Variants in DOCK3 observed in about 807,000 individuals in gnomAD.
DOCK3 encodes the protein dedicator of cytokinesis 3.
DOCK3 carries 60 observed loss-of-function variants against 265.6 expected under a neutral mutation model. The ratio of observed to expected loss-of-function variants is 0.23; its 90% CI spans 0.18 to 0.28. The LOEUF is 0.28. Among genes scored for constraint, DOCK3 ranks in the 10% least tolerant of loss-of-function variants. The probability of loss-of-function intolerance (pLI) is 1.00; values close to 1 mark genes in which losing one functional copy is unlikely to be tolerated. For synonymous variants in DOCK3, 881 were observed against 938.0 expected (o/e 0.94, Z 1.11); for missense variants, 1,981 against 2,594.3 (o/e 0.76, Z 5.14).
At chr3:50,945,732 C>T (rs935853344) in intron 5 of DOCK3, among the ~76,000 whole-genome samples, 17 of 152,214 alleles carry the variant, frequency 1.1e-4, no homozygotes, top group African/African-American at 3.9e-4. Flanking sequence ...TACATTTTTG[C>T]ACCTTTATAT....
chr3:50,752,566 C>T (rs933343353), intron 1 of DOCK3, among the ~76,000 whole-genome samples: 1 of 149,240 alleles, frequency 6.7e-6, no homozygotes, highest in African/African-American at 2.5e-5. Context: ...CATTTAAGGT[C>T]AGGATTTTGA....
chr3:50,819,153 T>G (rs1298343524), intron 2 of DOCK3, among the ~76,000 whole-genome samples: 1 of 152,248 alleles, frequency 6.6e-6, no homozygotes, highest in Non-Finnish European at 1.5e-5. Flanking sequence ...GAATTGAGTT[T>G]TGTATCATGC....
chr3:51,105,091 C>T (rs2083232866), intron 9 of DOCK3, among the ~76,000 whole-genome samples: 1 of 152,128 alleles, frequency 6.6e-6, no homozygotes, highest in Admixed American at 6.6e-5. Flanking sequence ...TGAATAAAGA[C>T]TTGGGAAATA....
At chr3:50,974,333 G>A (rs1363611259) in intron 5 of DOCK3, among the ~76,000 whole-genome samples, 2 of 151,824 alleles carry the variant, frequency 1.3e-5, no homozygotes, top group East Asian at 1.9e-4. Flanking sequence ...GTAAGGAAGG[G>A]ATCCAGTTTC....
intron 2 of DOCK3, among the ~76,000 whole-genome samples, chr3:50,834,966 C>G (rs772597122): frequency 3.3e-5 from 5 of 152,162 alleles, no homozygotes; most frequent in Non-Finnish European, 5.9e-5. Flanking sequence ...ATAGACAATT[C>G]AATTCAGTCT....
At chr3:50,890,603 G>A (rs2048594223) in intron 4 of DOCK3, among the ~76,000 whole-genome samples, 1 of 152,032 alleles carries the variant, frequency 6.6e-6, no homozygotes, top group Non-Finnish European at 1.5e-5. Flanking sequence ...TTGGGAATAT[G>A]AATGAGTTTT....
chr3:50,891,797 A>T (rs2048653266), intron 4 of DOCK3, among the ~76,000 whole-genome samples: 1 of 152,084 alleles, frequency 6.6e-6, no homozygotes, highest in Non-Finnish European at 1.5e-5. Flanking sequence ...AAATACTAGC[A>T]AAGTCATACA....
chr3:51,128,978 G>A (rs1356528400), intron 9 of DOCK3, among the ~76,000 whole-genome samples: 1 of 152,172 alleles, frequency 6.6e-6, no homozygotes, highest in Non-Finnish European at 1.5e-5. Context: ...TCACCTGTTG[G>A]TGAACATTCA....
intron 7 of DOCK3, among the ~76,000 whole-genome samples, chr3:51,083,119 A>G (rs1307111727): frequency 6.6e-6 from 1 of 152,150 alleles, no homozygotes. Flanking sequence ...TCTTGTTCCT[A>G]GCTAAGCCTC....
chr3:51,000,703 A>G (rs565310429), intron 5 of DOCK3, among the ~76,000 whole-genome samples: 1 of 151,102 alleles, frequency 6.6e-6, no homozygotes. Flanking sequence ...TCCAGGCTGG[A>G]GTGTAGTGGC....
intron 2 of DOCK3, among the ~76,000 whole-genome samples, chr3:50,822,127 G>A (rs2044474988): frequency 6.6e-6 from 1 of 152,036 alleles, no homozygotes; most frequent in Admixed American, 6.6e-5. Flanking sequence ...GATTCTTTCG[G>A]TTCCTGAGCA....
chr3:50,793,762 A>G (rs1330983020), intron 2 of DOCK3, among the ~76,000 whole-genome samples: 2 of 151,802 alleles, frequency 1.3e-5, no homozygotes, highest in Non-Finnish European at 2.9e-5. Context: ...GATTTAGGTT[A>G]TTTCTTGTCT....
chr3:51,222,462 T>C (rs568050439), intron 14 of DOCK3, among the ~76,000 whole-genome samples: 1 of 152,336 alleles, frequency 6.6e-6, no homozygotes, highest in East Asian at 1.9e-4. Context: ...AGAGAATTCG[T>C]GGAGAGCTTG....
chr3:50,793,163 C>T (rs1008981150), intron 2 of DOCK3, among the ~76,000 whole-genome samples: 5 of 152,036 alleles, frequency 3.3e-5, no homozygotes, highest in Non-Finnish European at 5.9e-5. Flanking sequence ...GGAATGTAAA[C>T]GTTTCTTCCA....
At chr3:50,831,399 C>T (rs1175661542) in intron 2 of DOCK3, among the ~76,000 whole-genome samples, 1 of 152,098 alleles carries the variant, frequency 6.6e-6, no homozygotes, top group African/African-American at 2.4e-5. Context: ...CTCTGACATG[C>T]CCTGGTGTGT....
chr3:50,844,974 G>A (rs1287205403), intron 3 of DOCK3, among the ~76,000 whole-genome samples: 1 of 152,158 alleles, frequency 6.6e-6, no homozygotes, highest in Non-Finnish European at 1.5e-5. Flanking sequence ...TATAATCCCA[G>A]CACTTTGGGA....
At chr3:51,131,737 A>G (rs951881130) in intron 9 of DOCK3, among the ~76,000 whole-genome samples, 9 of 152,150 alleles carry the variant, frequency 5.9e-5, no homozygotes, top group Non-Finnish European at 1.3e-4. Flanking sequence ...TCCGCTGTCC[A>G]TTATGGTAGG....
chr3:51,127,555 T>C (rs1441865875), intron 9 of DOCK3, among the ~76,000 whole-genome samples: 3 of 152,234 alleles, frequency 2.0e-5, no homozygotes, highest in Non-Finnish European at 4.4e-5. Context: ...ATAAATCTTA[T>C]GTCACATGAT....
chr3:51,036,273 C>T (rs1278437504), intron 5 of DOCK3, among the ~76,000 whole-genome samples: 1 of 152,100 alleles, frequency 6.6e-6, no homozygotes, highest in Non-Finnish European at 1.5e-5. Context: ...AGTGGAACTC[C>T]AATACTATAT....
Sources: gnomAD v4.1 joint callset for allele counts (sites outside exome capture counted in the v4.1 genomes callset) on GRCh38, gnomAD v4.1.1 for gene constraint, MANE v1.5 for transcripts, NCBI Gene and HGNC (gene_info 2026-07-23, HGNC 2026-07-21) for gene names.